Variants in BAZ2B observed in about 807,000 individuals in gnomAD.
The protein encoded by BAZ2B is bromodomain adjacent to zinc finger domain 2B, also known as bromodomain adjacent to zinc finger domain protein 2B.
Under a neutral mutation model 246.0 loss-of-function variants are expected in BAZ2B, and 91 were observed. The ratio of observed to expected loss-of-function variants is 0.37; its 90% CI spans 0.31 to 0.44. The LOEUF is 0.44. Among genes scored for constraint, BAZ2B ranks in the 20% least tolerant of loss-of-function variants. BAZ2B has a pLI of 1.00. For missense variants in BAZ2B, 2,332 were observed against 2,533.7 expected (o/e 0.92, Z 1.71); for synonymous variants, 855 against 860.0 (o/e 0.99, Z 0.10).
intron 1 of BAZ2B, among the ~76,000 whole-genome samples, chr2:159,603,422 C>T (rs1384440335): frequency 6.6e-6 from 1 of 152,120 alleles, no homozygotes; most frequent in African/African-American, 2.4e-5. Flanking sequence ...AATTTCTTTC[C>T]TCAAGCTCCA....
intron 10 of BAZ2B, 79 bp from the exon 11 acceptor site, chr2:159,429,339 T>C: frequency 1.2e-6 from 1 of 811,028 alleles, no homozygotes; most frequent in Non-Finnish European, 1.8e-6. Context: ...AACTTTTCTT[T>C]AAAAAAGTAT....
chr2:159,549,998 A>G (rs2087946168), intron 2 of BAZ2B, among the ~76,000 whole-genome samples: 1 of 151,902 alleles, frequency 6.6e-6, no homozygotes, highest in African/African-American at 2.4e-5. Flanking sequence ...GAATTTTTGT[A>G]TTTTTAGTAG....
the BAZ2B span, among the ~76,000 whole-genome samples, chr2:159,679,250 T>C: frequency 4.3e-5 from 5 of 117,484 alleles, no homozygotes; most frequent in African/African-American, 1.8e-4. Context: ...CCAGCCTGGG[T>C]GACAGAGTGA....
intron 2 of BAZ2B, among the ~76,000 whole-genome samples, chr2:159,481,891 C>A (rs1272903876): frequency 6.6e-6 from 1 of 151,500 alleles, no homozygotes; most frequent in Non-Finnish European, 1.5e-5. Context: ...GATGTGGGAT[C>A]CTAAGTTGGA....
chr2:159,595,254 C>T (rs916979523), intron 1 of BAZ2B, among the ~76,000 whole-genome samples: 1 of 152,056 alleles, frequency 6.6e-6, no homozygotes, highest in Non-Finnish European at 1.5e-5. Context: ...AGGCATGCAC[C>T]ACCACACCTG....
At chr2:159,545,797 G>A (rs1340016963) in intron 2 of BAZ2B, among the ~76,000 whole-genome samples, 2 of 152,162 alleles carry the variant, frequency 1.3e-5, no homozygotes, top group East Asian at 1.9e-4. Context: ...ACTCTGTAAC[G>A]TTTCTGAAAC....
chr2:159,586,890 T>C (rs1054042091), intron 1 of BAZ2B, among the ~76,000 whole-genome samples: 12 of 152,286 alleles, frequency 7.9e-5, no homozygotes, highest in Non-Finnish European at 1.2e-4. Context: ...TACAAGATCT[T>C]ACAAGTCTGA....
the BAZ2B span, among the ~76,000 whole-genome samples, chr2:159,704,997 C>T: frequency 6.7e-6 from 1 of 149,190 alleles, no homozygotes; most frequent in Admixed American, 6.7e-5. Flanking sequence ...CGCCCAGCCT[C>T]GTCTGGCCTT....
At chr2:159,366,329 A>G (rs1436968581) in intron 27 of BAZ2B, among the ~76,000 whole-genome samples, 1 of 152,210 alleles carries the variant, frequency 6.6e-6, no homozygotes, top group East Asian at 1.9e-4. Flanking sequence ...AGTGGATATA[A>G]AATGTAGCAT....
chr2:159,448,476 C>T, intron 4 of BAZ2B, 67 bp from the exon 5 acceptor site: 2 of 1,479,598 alleles, frequency 1.4e-6, no homozygotes, highest in African/African-American at 1.4e-5. Flanking sequence ...GTCACAATGG[C>T]TTTCTATGTT....
At chr2:159,706,083 T>TC in the BAZ2B span, among the ~76,000 whole-genome samples, 2 of 29,656 alleles carry the variant, frequency 6.7e-5, no homozygotes, top group Admixed American at 4.9e-4. Flanking sequence ...TAAACATATA[T>TC]AACACACACA....
intron 24 of BAZ2B, among the ~76,000 whole-genome samples, chr2:159,383,082 G>A (rs545328873): frequency 6.6e-6 from 1 of 152,054 alleles, no homozygotes; most frequent in East Asian, 1.9e-4. Context: ...CAATGGCTGA[G>A]TAATAATTTC....
At chr2:159,386,275 TCTG>T (rs1245679645) in intron 22 of BAZ2B, 75 bp downstream of exon 22, 1 of 1,356,778 alleles carries the variant, frequency 7.4e-7, no homozygotes, top group Non-Finnish European at 9.9e-7. Context: ...TATATAATCT[TCTG>T]CTAATATGCT....
At chr2:159,520,452 T>C (rs2084008634) in intron 2 of BAZ2B, among the ~76,000 whole-genome samples, 1 of 152,208 alleles carries the variant, frequency 6.6e-6, no homozygotes, top group African/African-American at 2.4e-5. Context: ...TATATTACTA[T>C]ATAATTATTT....
intron 2 of BAZ2B, among the ~76,000 whole-genome samples, chr2:159,542,770 A>G (rs1224373741): frequency 6.6e-6 from 1 of 152,228 alleles, no homozygotes. Context: ...AAGAACTATT[A>G]ACCAAGAATT....
At chr2:159,642,523 G>A in the BAZ2B span, among the ~76,000 whole-genome samples, 11,650 of 152,064 alleles carry the variant, frequency 0.077, 946 homozygotes, top group African/African-American at 0.2. Flanking sequence ...ACAGGTGTAA[G>A]CCAGCGTGCC....
chr2:159,376,054 TGTAGG>T (rs749399379), intron 25 of BAZ2B, among the ~76,000 whole-genome samples: 66 of 152,290 alleles, frequency 4.3e-4, no homozygotes, highest in Non-Finnish European at 8.4e-4. Flanking sequence ...ATCTCCAAAT[TGTAGG>T]TTTTAGAGGG....
At chr2:159,365,179 C>A (rs1346813033) in intron 27 of BAZ2B, among the ~76,000 whole-genome samples, 1 of 152,024 alleles carries the variant, frequency 6.6e-6, no homozygotes. Flanking sequence ...ACAATGGGAC[C>A]ATGTAGAATG....
the BAZ2B span, among the ~76,000 whole-genome samples, chr2:159,684,479 T>C: frequency 1.3e-5 from 2 of 152,150 alleles, no homozygotes; most frequent in Non-Finnish European, 2.9e-5. Context: ...GTGGAAGAAG[T>C]AGTAATTAGT....
Sources: allele counts gnomAD v4.1 joint callset (sites outside exome capture counted in the v4.1 genomes callset), GRCh38; gene constraint gnomAD v4.1.1; transcripts MANE v1.5; gene names NCBI Gene and HGNC (gene_info 2026-07-23, HGNC 2026-07-21).